Variants in SDCCAG8 observed in about 807,000 individuals in gnomAD.
The protein encoded by SDCCAG8 is SHH signaling and ciliogenesis regulator SDCCAG8, also known as serologically defined colon cancer antigen 8.
In SDCCAG8, 74 loss-of-function variants were observed where a neutral mutation model predicts 101.8. That is an observed-to-expected ratio of 0.73 (90% CI 0.60 to 0.88). The LOEUF is 0.88. Ranked by LOEUF, SDCCAG8 falls within the 40% of genes least tolerant of loss-of-function variation. The pLI is 0.00. For missense variants in SDCCAG8, 787 were observed against 822.6 expected, an observed-to-expected ratio of 0.96 and a Z score of 0.53; for synonymous variants, 281 against 292.9, an observed-to-expected ratio of 0.96 and a Z score of 0.41.
intron 4 of SDCCAG8, among the ~76,000 whole-genome samples, chr1:243,283,739 T>A (rs1434767526): frequency 6.6e-6 from 1 of 151,964 alleles, no homozygotes; most frequent in African/African-American, 2.4e-5. Context: ...TCATAATTAT[T>A]TTATTTATTT....
chr1:243,486,240 C>T, intron 16 of SDCCAG8, among the ~76,000 whole-genome samples: 1 of 148,962 alleles, frequency 6.7e-6, no homozygotes, highest in South Asian at 2.1e-4. Context: ...ATCTCTTTTC[C>T]CAATATTTGT....
At chr1:243,316,497 T>G (rs1197515127) in intron 8 of SDCCAG8, among the ~76,000 whole-genome samples, 1 of 152,190 alleles carries the variant, frequency 6.6e-6, no homozygotes, top group Admixed American at 6.5e-5. Flanking sequence ...GGCTTTCCCC[T>G]GCAGCCCTCT....
intron 12 of SDCCAG8, among the ~76,000 whole-genome samples, chr1:243,357,334 G>A (rs897957224): frequency 3.3e-5 from 5 of 150,398 alleles, no homozygotes; most frequent in East Asian, 4.0e-4. Flanking sequence ...AGCTGAGATC[G>A]TGCCACTGCA....
At chr1:243,310,763 C>G (rs2072645310) in intron 8 of SDCCAG8, among the ~76,000 whole-genome samples, 1 of 151,838 alleles carries the variant, frequency 6.6e-6, no homozygotes, top group African/African-American at 2.4e-5. Flanking sequence ...TTGAAACAAA[C>G]AAAAAGGACA....
intron 12 of SDCCAG8, among the ~76,000 whole-genome samples, chr1:243,363,042 C>A (rs969460555): frequency 6.6e-6 from 1 of 152,180 alleles, no homozygotes; most frequent in Non-Finnish European, 1.5e-5. Flanking sequence ...ATAATAAATT[C>A]TTCCTCTGAG....
chr1:243,472,291 A>G (rs1424280206), intron 16 of SDCCAG8, among the ~76,000 whole-genome samples: 1 of 152,200 alleles, frequency 6.6e-6, no homozygotes, highest in Non-Finnish European at 1.5e-5. Flanking sequence ...GAACCTGTCC[A>G]TTTATCTGAC....
chr1:243,422,924 G>A (rs1029691796), intron 15 of SDCCAG8, among the ~76,000 whole-genome samples: 2 of 152,116 alleles, frequency 1.3e-5, no homozygotes, highest in African/African-American at 4.8e-5. Flanking sequence ...AAATGGATTA[G>A]AGTCAATTAT....
chr1:243,347,283 A>G (rs2075775931), intron 12 of SDCCAG8, among the ~76,000 whole-genome samples: 1 of 152,206 alleles, frequency 6.6e-6, no homozygotes, highest in African/African-American at 2.4e-5. Flanking sequence ...TATGAAGGAT[A>G]TTTTTACATA....
At chr1:243,392,570 T>C (rs1043015464) in intron 13 of SDCCAG8, among the ~76,000 whole-genome samples, 2 of 152,216 alleles carry the variant, frequency 1.3e-5, no homozygotes, top group African/African-American at 4.8e-5. Flanking sequence ...TGAGGAAAGA[T>C]GATAATGATA....
At chr1:243,304,462 A>G (rs1288042486) in intron 6 of SDCCAG8, among the ~76,000 whole-genome samples, 1 of 152,200 alleles carries the variant, frequency 6.6e-6, no homozygotes, top group Non-Finnish European at 1.5e-5. Flanking sequence ...TCACACTTTT[A>G]GGGATAAGAC....
intron 17 of SDCCAG8, among the ~76,000 whole-genome samples, chr1:243,495,251 C>T (rs1667512778): frequency 6.6e-6 from 1 of 152,230 alleles, no homozygotes; most frequent in Non-Finnish European, 1.5e-5. Flanking sequence ...GCGGGGCCGC[C>T]TCCCTCTCCC....
intron 12 of SDCCAG8, among the ~76,000 whole-genome samples, chr1:243,350,861 A>T (rs2076044822): frequency 6.6e-6 from 1 of 152,156 alleles, no homozygotes; most frequent in African/African-American, 2.4e-5. Context: ...CAGCTCATGG[A>T]CCTCTGAGGT....
At chr1:243,351,973 C>CA (rs1371923320) in intron 12 of SDCCAG8, among the ~76,000 whole-genome samples, 2 of 152,152 alleles carry the variant, frequency 1.3e-5, no homozygotes, top group Admixed American at 1.3e-4. Flanking sequence ...AGCATTTAGT[C>CA]ACGTTGTTAA....
intron 1 of SDCCAG8, among the ~76,000 whole-genome samples, chr1:243,269,462 G>A (rs190597211): frequency 3.1e-4 from 47 of 152,110 alleles, no homozygotes; most frequent in Non-Finnish European, 1.5e-5. Flanking sequence ...GTTTTTGTGT[G>A]TTCTAGGGGT....
At chr1:243,296,575 T>C (rs1009879130) in intron 6 of SDCCAG8, among the ~76,000 whole-genome samples, 2 of 130,764 alleles carry the variant, frequency 1.5e-5, no homozygotes, top group Non-Finnish European at 3.1e-5. Flanking sequence ...CGGAGTCTCG[T>C]TCTGTCGCCC....
intron 16 of SDCCAG8, among the ~76,000 whole-genome samples, chr1:243,488,031 T>A (rs1665405854): frequency 6.6e-6 from 1 of 152,184 alleles, no homozygotes; most frequent in Non-Finnish European, 1.5e-5. Flanking sequence ...CGGAGGCAGG[T>A]ACCGACCATC....
chr1:243,346,825 C>G (rs1008065343), intron 12 of SDCCAG8, among the ~76,000 whole-genome samples: 1 of 152,148 alleles, frequency 6.6e-6, no homozygotes, highest in Admixed American at 6.5e-5. Flanking sequence ...GTGAAATATG[C>G]TCTTTGATTT....
At chr1:243,473,502 C>T (rs1178676604) in intron 16 of SDCCAG8, among the ~76,000 whole-genome samples, 1 of 152,138 alleles carries the variant, frequency 6.6e-6, no homozygotes, top group Non-Finnish European at 1.5e-5. Flanking sequence ...TGTTACATGT[C>T]GCTTCTTATG....
intron 15 of SDCCAG8, 55 bp downstream of exon 15, chr1:243,418,131 T>G: frequency 7.9e-7 from 1 of 1,266,462 alleles, no homozygotes; most frequent in Non-Finnish European, 1.2e-6. Flanking sequence ...TTACTCTAAT[T>G]TTTCCTTAAA....
Sources: allele counts gnomAD v4.1 joint callset (sites outside exome capture counted in the v4.1 genomes callset), GRCh38; gene constraint gnomAD v4.1.1; transcripts MANE v1.5; gene names NCBI Gene and HGNC (gene_info 2026-07-23, HGNC 2026-07-21).